Variants in IGDCC4 observed in about 807,000 individuals in gnomAD.
The protein encoded by IGDCC4 is likely ortholog of mouse neighbor of Punc E11.
Under a neutral mutation model 116.6 loss-of-function variants are expected in IGDCC4, and 72 were observed. The ratio of observed to expected loss-of-function variants is 0.62; its 90% CI spans 0.51 to 0.75. The LOEUF is 0.75. Among genes scored for constraint, IGDCC4 ranks in the 30% least tolerant of loss-of-function variants. IGDCC4 has a pLI of 0.00. For synonymous variants in IGDCC4, 709 were observed against 719.9 expected (o/e 0.98, Z 0.24); for missense variants, 1,501 against 1,662.4 (o/e 0.90, Z 1.69).
intron 3 of IGDCC4, among the ~76,000 whole-genome samples, chr15:65,405,179 G>A (rs563954199): frequency 6.6e-6 from 1 of 151,420 alleles, no homozygotes; most frequent in Admixed American, 6.6e-5. Flanking sequence ...TCTACTTTTA[G>A]AAAATAGAGA....
intron 1 of IGDCC4, among the ~76,000 whole-genome samples, chr15:65,420,806 C>G (rs2063183478): frequency 6.6e-6 from 1 of 152,208 alleles, no homozygotes; most frequent in Admixed American, 6.5e-5. Flanking sequence ...TCATCACTTT[C>G]TTCAGGAAGC....
Position 65,400,860 on chromosome 15 carries a change from T to A in IGDCC4, c.787A>T (p.Met263Leu), listed in dbSNP as rs2062977926. The change falls in exon 5 of 20, where the codon ATG (methionine) becomes TTG (leucine). Residue 263 changes from methionine (M) to leucine (L), a missense_variant. Physicochemically the swap from Met to Leu is conservative, Grantham distance 15. Around this residue, in one of 3 missense-constraint regions of IGDCC4, gnomAD observed 898 missense variants for 978.9 expected, o/e 0.92. Coordinates refer to ENST00000352385, the MANE Select transcript of IGDCC4 (RefSeq NM_020962.3). ...TTVVSGQSVV[M>L]ECVASADPTP... ...GGGTCAGCTGAGGCCACACATTCCA[T>A]CACCACACTCTGGCCAGACACCACT... 3 of 1,613,670 alleles carry A rather than the reference T, an allele frequency of 1.9e-6. No homozygotes were observed. The highest frequency in any genetic ancestry group is 1.7e-6 in the Non-Finnish European group (2 of 1,179,896).
chr15:65,412,624 A>G (rs1250764837), intron 1 of IGDCC4, among the ~76,000 whole-genome samples: 3 of 151,298 alleles, frequency 2.0e-5, no homozygotes, highest in Non-Finnish European at 4.4e-5. Flanking sequence ...TTATTACCCA[A>G]TCAAAAATAT....
chr15:65,394,315 C>T, intron 9 of IGDCC4, 96 bp downstream of exon 9: 1 of 1,566,238 alleles, frequency 6.4e-7, no homozygotes, highest in South Asian at 1.2e-5. Context: ...TTCCTTTCCT[C>T]CGACTCCCGT....
Position 65,385,125 on chromosome 15 carries a change from G to C in IGDCC4, c.3181-10C>G, listed in dbSNP as rs1418212371. The stretch of plus-strand genomic sequence containing the variant: ...GTTGAGCCCAGGAGATCTGCACGGG[G>C]GAAAGAAGGGGACAGTAAGGGGCAC... On this transcript the variant is annotated splice_polypyrimidine_tract_variant and intron_variant, in intron 18 of 19. Coordinates refer to ENST00000352385, the MANE Select transcript of IGDCC4 (RefSeq NM_020962.3). The C allele has an allele frequency of 6.4e-7, 1 of 1,573,634 alleles. No individual in the cohort carries two copies. Among genetic ancestry groups the C allele is most frequent in the Non-Finnish European group, 8.6e-7 (1 of 1,168,556 alleles).
intron 1 of IGDCC4, among the ~76,000 whole-genome samples, chr15:65,418,709 G>A (rs2063165003): frequency 6.6e-6 from 1 of 152,170 alleles, no homozygotes; most frequent in Non-Finnish European, 1.5e-5. Context: ...CTCCCTCAGA[G>A]CCATGCTTAC....
At position 65,410,489 on chromosome 15, in the gene IGDCC4, C is replaced by T. The variant is rs533166378; in HGVS notation, c.422-170G>A. 368 of 703,716 alleles carry T rather than the reference C, an allele frequency of 5.2e-4. 2 individuals carry two copies. The South Asian group carries it at 6.1e-3, about 12-fold the overall frequency. 43.6% of individuals were successfully genotyped at this position (703,716 alleles called of 1,614,324 possible). On this transcript the variant is annotated intron_variant, in intron 2 of 19. Coordinates refer to ENST00000352385, the MANE Select transcript of IGDCC4 (RefSeq NM_020962.3). ...AGACACAACAAGAAGTGGTGATTAG[C>T]GGTCAGATACTGCCAGCAGAATGAA...
In IGDCC4 at chr15:65,388,938, CAG is replaced by C; in HGVS notation, c.2575_2576del (p.Leu859AspfsTer34). 6.2e-7 allele frequency: 1 copy of C among 1,611,848 alleles called. No individual in the cohort carries two copies. The highest frequency in any genetic ancestry group is 8.5e-7 in the Non-Finnish European group (1 of 1,179,080). On this transcript the variant is annotated frameshift_variant, in exon 15 of 20. Transcript: ENST00000352385. LOFTEE classifies it high-confidence loss of function. ...AGTGCAGCCGAACCGTGGACGGTGT[CAG>C]GGGGCTCAGTCGCAGGTCGGATGGG... ...TPPSDLRLSP[L>X]TPSTVRLHWC...
At chr15:65,389,000 G>T (rs1483582242) in intron 14 of IGDCC4, 22 bp from the exon 15 acceptor site, 1 of 1,519,808 alleles carries the variant, frequency 6.6e-7, no homozygotes, top group African/African-American at 1.4e-5. Flanking sequence ...GAGAGGAGAT[G>T]GGGAGAGATG....
intron 3 of IGDCC4, among the ~76,000 whole-genome samples, chr15:65,404,671 G>GTGAATAAATGAA (rs1567089407): frequency 6.6e-6 from 1 of 151,108 alleles, no homozygotes; most frequent in African/African-American, 2.4e-5. Context: ...ATGTGATTGA[G>GTGAATAAATGAA]TGAATGAATG....
rs537833847 is a variant in IGDCC4 at position 65,382,628 on chromosome 15, A to C, written c.*1381T>G. On this transcript the variant is annotated 3_prime_UTR_variant, in exon 20 of 20. Transcript: ENST00000352385. ...TTGTCCCTGTGCGGCAGGTGAACAG[A>C]AAATGACTTGAGGATTCAATTTAAA... 1.3e-5 allele frequency: 2 copies of C among 152,642 alleles called. No homozygotes were observed. Among genetic ancestry groups the C allele is most frequent in the East Asian group, 3.9e-4 (2 of 5,184 alleles). 9.5% of individuals were successfully genotyped at this position (152,642 alleles called of 1,614,324 possible).
Position 65,396,914 on chromosome 15 carries a change from T to TG in IGDCC4, c.916dup (p.His306ProfsTer23). 1 of 1,572,794 alleles carries TG rather than the reference T, an allele frequency of 6.4e-7. No homozygotes were observed. The highest frequency in any genetic ancestry group is 8.6e-7 in the Non-Finnish European group (1 of 1,158,952). On this transcript the variant is annotated frameshift_variant, in exon 6 of 20. Transcript: ENST00000352385. LOFTEE classifies it high-confidence loss of function. ...GGCGCGGCAGACATAGACGCCGGAG[T>TG]GCCAGGGCTGCGCGTTGGCAATTAG...
intron 12 of IGDCC4, among the ~76,000 whole-genome samples, chr15:65,390,912 T>C (rs1393696248): frequency 6.6e-6 from 1 of 152,154 alleles, no homozygotes; most frequent in Non-Finnish European, 1.5e-5. Context: ...AGCGAAATAT[T>C]TGCTGAATGA....
Position 65,392,124 on chromosome 15 carries a change from C to T in IGDCC4, c.2122+10G>A. On this transcript the variant is annotated intron_variant, in intron 11 of 19. Coordinates refer to ENST00000352385, the MANE Select transcript of IGDCC4 (RefSeq NM_020962.3). ...CATCCCTCCCTCCCCCTCCCCCCAG[C>T]CCTCCTCACCTAGCTGGGTCAGCTC... The T allele has an allele frequency of 6.4e-7, 1 of 1,569,848 alleles. No individual in the cohort carries two copies. Among genetic ancestry groups the T allele is most frequent in the South Asian group, 1.2e-5 (1 of 86,472 alleles).
At chr15:65,387,520 T>A in intron 16 of IGDCC4, among the ~76,000 whole-genome samples, 1 of 152,014 alleles carries the variant, frequency 6.6e-6, no homozygotes, top group Non-Finnish European at 1.5e-5. Flanking sequence ...AGCTAATTTT[T>A]TTTTGTATTT....
intron 1 of IGDCC4, among the ~76,000 whole-genome samples, chr15:65,420,393 G>A (rs1024185648): frequency 1.3e-5 from 2 of 152,094 alleles, no homozygotes; most frequent in African/African-American, 2.4e-5. Context: ...CCTCTCTTCT[G>A]GATTGCTACA....
rs112013434 is a variant in IGDCC4, at chr15:65,383,019, T to C, written c.*990A>G. The C allele has an allele frequency of 0.011, 1,695 of 152,660 alleles. 12 individuals are homozygous for C. Among genetic ancestry groups the C allele is most frequent in the Non-Finnish European group, 0.019 (1,282 of 68,060 alleles). The allele number at this position is 152,660 out of a possible 1,614,324, so 9.5% of individuals were successfully genotyped here. On this transcript the variant is annotated 3_prime_UTR_variant, in exon 20 of 20. Transcript: ENST00000352385. Reference sequence around the variant, plus strand: ...GATGCAGGGAAGCCAGAAGATCTTCTCCACACCCGCACTGGGCGTGGGTGG... The same window carrying C: ...GATGCAGGGAAGCCAGAAGATCTTCCCCACACCCGCACTGGGCGTGGGTGG...
At chr15:65,391,830 G>T in intron 12 of IGDCC4, 50 bp downstream of exon 12, 1 of 1,526,010 alleles carries the variant, frequency 6.6e-7, no homozygotes, top group Non-Finnish European at 9.0e-7. Flanking sequence ...GAAGCGGCTA[G>T]CAGAGCCCTC....
intron 1 of IGDCC4, among the ~76,000 whole-genome samples, chr15:65,416,036 A>T (rs2140240098): frequency 6.6e-6 from 1 of 151,924 alleles, no homozygotes; most frequent in Admixed American, 6.5e-5. Flanking sequence ...CAATTTTAAA[A>T]TGAGAAGTCT....
Sources: allele counts gnomAD v4.1 joint callset (sites outside exome capture counted in the v4.1 genomes callset), GRCh38; gene constraint gnomAD v4.1.1; regional missense constraint gnomAD v4.1.1; transcripts MANE v1.5; gene names NCBI Gene and HGNC (gene_info 2026-07-23, HGNC 2026-07-21).